Variants in ADAMTS17 observed in about 807,000 individuals in gnomAD.
The protein encoded by ADAMTS17 is ADAM metallopeptidase with thrombospondin type 1 motif 17.
Under a neutral mutation model 141.5 loss-of-function variants are expected in ADAMTS17, and 113 were observed. That is an observed-to-expected ratio of 0.80 (90% confidence interval 0.69 to 0.93). The LOEUF (loss-of-function observed/expected upper bound fraction) is 0.93, where lower values mean the gene tolerates loss of function less well. Ranked by LOEUF, ADAMTS17 falls within the 40% of genes least tolerant of loss-of-function variation. The pLI, the probability that ADAMTS17 is intolerant of heterozygous loss-of-function variation, is 0.00. For missense variants in ADAMTS17, 1,659 were observed against 1,517.9 expected (o/e 1.09, Z -1.54); for synonymous variants, 768 against 630.6 (o/e 1.22, Z -3.27).
chr15:100,173,186 T>C (rs2040221591), intron 8 of ADAMTS17, among the ~76,000 whole-genome samples: 1 of 151,024 alleles, frequency 6.6e-6, no homozygotes, highest in Admixed American at 6.6e-5. Flanking sequence ...AGTTTAATTA[T>C]TTTTTTTCTT....
At chr15:100,145,712 C>T (rs2038870125) in intron 10 of ADAMTS17, among the ~76,000 whole-genome samples, 1 of 152,146 alleles carries the variant, frequency 6.6e-6, no homozygotes, top group Non-Finnish European at 1.5e-5. Context: ...ATTTATGATC[C>T]ATCCTGGCAT....
intron 7 of ADAMTS17, among the ~76,000 whole-genome samples, chr15:100,209,121 A>AAAAG: frequency 7.8e-6 from 1 of 127,918 alleles, no homozygotes; most frequent in African/African-American, 3.3e-5. Flanking sequence ...AGCAAAAAAA[A>AAAAG]AAAAAAAAAA....
chr15:100,214,392 T>C (rs1248631470), intron 7 of ADAMTS17, among the ~76,000 whole-genome samples: 2 of 152,226 alleles, frequency 1.3e-5, no homozygotes, highest in Non-Finnish European at 2.9e-5. Context: ...TATTATAACA[T>C]TAATATTATT....
At chr15:100,275,649 C>CA (rs1437402485) in intron 4 of ADAMTS17, among the ~76,000 whole-genome samples, 1 of 152,112 alleles carries the variant, frequency 6.6e-6, no homozygotes, top group Non-Finnish European at 1.5e-5. Flanking sequence ...GTCACGTCCC[C>CA]AAGCCTCCAT....
chr15:100,120,953 C>A (rs1203774267), intron 12 of ADAMTS17, among the ~76,000 whole-genome samples: 1 of 152,000 alleles, frequency 6.6e-6, no homozygotes, highest in Non-Finnish European at 1.5e-5. Context: ...TGCTCAGGAA[C>A]CAAATGAAGG....
At chr15:100,262,560 G>A (rs1428010323) in intron 4 of ADAMTS17, 125 bp from the exon 5 acceptor site, 2 of 721,022 alleles carry the variant, frequency 2.8e-6, no homozygotes, top group African/African-American at 1.8e-5. Context: ...TAGAAATAAA[G>A]CGTAGACTTT....
chr15:100,142,382 C>T (rs186978598), intron 10 of ADAMTS17, among the ~76,000 whole-genome samples: 32 of 152,116 alleles, frequency 2.1e-4, no homozygotes, highest in Middle Eastern at 3.4e-3. Flanking sequence ...CCCAGAGTAC[C>T]GGGAGGGATG....
At chr15:100,301,859 AT>A (rs565482726) in intron 3 of ADAMTS17, among the ~76,000 whole-genome samples, 1 of 152,170 alleles carries the variant, frequency 6.6e-6, no homozygotes, top group Non-Finnish European at 1.5e-5. Flanking sequence ...TGAGATACAA[AT>A]TACTATTAAA....
intron 15 of ADAMTS17, among the ~76,000 whole-genome samples, chr15:100,085,576 T>C (rs963970081): frequency 3.3e-5 from 5 of 151,578 alleles, no homozygotes; most frequent in African/African-American, 1.2e-4. Context: ...GGAAAAAATG[T>C]TAAGGGCAGC....
chr15:100,267,449 A>G (rs1364179829), intron 4 of ADAMTS17, among the ~76,000 whole-genome samples: 1 of 152,222 alleles, frequency 6.6e-6, no homozygotes, highest in Non-Finnish European at 1.5e-5. Flanking sequence ...ACGGGTGTAC[A>G]GATACCTCTT....
Position 100,096,489 on chromosome 15 carries a change from A to G in ADAMTS17, c.2017-13T>C, listed in dbSNP as rs1435266576. ...CACAGCCGATTTTCTAAAGAACCAG[A>G]GGGCCTCATTATTCTGTGGTTAAGA... On this transcript the variant is annotated splice_polypyrimidine_tract_variant and intron_variant, in intron 14 of 21. Transcript: ENST00000268070. 5.6e-6 allele frequency: 9 copies of G among 1,614,026 alleles called. No individual in the cohort carries two copies. The highest frequency in any genetic ancestry group is 1.3e-5 in the African/African-American group (1 of 75,036).
chr15:99,994,916 T>G (rs1376899223), intron 19 of ADAMTS17, among the ~76,000 whole-genome samples: 7 of 152,234 alleles, frequency 4.6e-5, no homozygotes, highest in Non-Finnish European at 1.0e-4. Flanking sequence ...CCATGGGGTT[T>G]TCTTTCAAGG....
At chr15:100,328,621 C>G (rs144725009) in intron 3 of ADAMTS17, among the ~76,000 whole-genome samples, 1 of 152,286 alleles carries the variant, frequency 6.6e-6, no homozygotes, top group East Asian at 1.9e-4. Context: ...CACACCCACC[C>G]CACCCTGATT....
intron 3 of ADAMTS17, among the ~76,000 whole-genome samples, chr15:100,320,354 G>C (rs1017552829): frequency 2.0e-5 from 3 of 152,160 alleles, no homozygotes; most frequent in African/African-American, 7.2e-5. Flanking sequence ...GGAAGTCCAC[G>C]GGAAATGCTG....
intron 12 of ADAMTS17, 122 bp from the exon 13 acceptor site, chr15:100,117,135 C>T (rs1427412153): frequency 8.7e-7 from 1 of 1,147,718 alleles, no homozygotes; most frequent in East Asian, 2.6e-5. Flanking sequence ...CCAAAGCCAC[C>T]CCCTCTCTGC....
In ADAMTS17 at chr15:100,301,335, A is replaced by ATT. The variant is rs1240494945; in HGVS notation, c.617-19935_617-19934insAA. Among the ~76,000 whole-genome samples, 49 of 148,658 alleles carry ATT rather than the reference A, an allele frequency of 3.3e-4. No individual in the cohort carries two copies. In the South Asian group the frequency reaches 3.4e-3, roughly 10 times the overall value. On this transcript the variant is annotated intron_variant, in intron 3 of 21. Coordinates refer to ENST00000268070, the MANE Select transcript of ADAMTS17 (RefSeq NM_139057.4). ...TGTTCTATGTGAGTTATATATATAT[A>ATT]TATATTTTTCTGAGACGGAGTCTCT...
intron 2 of ADAMTS17, among the ~76,000 whole-genome samples, chr15:100,338,603 T>C (rs1328699037): frequency 6.7e-6 from 1 of 148,166 alleles, no homozygotes; most frequent in Non-Finnish European, 1.5e-5. Flanking sequence ...CTATTTATTT[T>C]CTGGTCCTTA....
At chr15:100,009,940 C>G (rs887677225) in intron 18 of ADAMTS17, among the ~76,000 whole-genome samples, 7 of 152,224 alleles carry the variant, frequency 4.6e-5, no homozygotes, top group African/African-American at 1.4e-4. Flanking sequence ...TGAATCTCAT[C>G]TTGAATTGTA....
intron 8 of ADAMTS17, among the ~76,000 whole-genome samples, chr15:100,165,312 A>G (rs1464350605): frequency 6.6e-6 from 1 of 152,214 alleles, no homozygotes; most frequent in African/African-American, 2.4e-5. Context: ...ATGGCTTGAC[A>G]TGAAAGCAGC....
Sources: gnomAD v4.1 joint callset for allele counts (sites outside exome capture counted in the v4.1 genomes callset) on GRCh38, gnomAD v4.1.1 for gene constraint, MANE v1.5 for transcripts, NCBI Gene and HGNC (gene_info 2026-07-23, HGNC 2026-07-21) for gene names.